OPCML: variants seen among roughly 807,000 people sequenced by gnomAD.
OPCML encodes the protein opioid-binding protein/cell adhesion molecule.
Under a neutral mutation model 37.8 loss-of-function variants are expected in OPCML, and 13 were observed. That is an observed-to-expected ratio of 0.34 (90% CI 0.22 to 0.55). The LOEUF (loss-of-function observed/expected upper bound fraction) is 0.55, where lower values mean the gene tolerates loss of function less well. Among genes scored for constraint, OPCML ranks in the 20% least tolerant of loss-of-function variants. The pLI, the probability that OPCML is intolerant of heterozygous loss-of-function variation, is 0.91. For synonymous variants in OPCML, 176 were observed against 168.8 expected (o/e 1.04, Z -0.33); for missense variants, 341 against 435.6 (o/e 0.78, Z 1.93).
intron 3 of OPCML, among the ~76,000 whole-genome samples, chr11:132,596,743 T>C (rs2137744691): frequency 1.3e-5 from 2 of 152,326 alleles, no homozygotes; most frequent in Middle Eastern, 3.4e-3. Flanking sequence ...AAGCACCATA[T>C]CTATCTTTCC....
intron 1 of OPCML, among the ~76,000 whole-genome samples, chr11:133,263,086 G>A (rs1335105033): frequency 6.6e-6 from 1 of 151,868 alleles, no homozygotes. Flanking sequence ...GGGTATGGTT[G>A]GACTGTGGCT....
At chr11:133,419,091 C>T (rs1010979570) in intron 1 of OPCML, 7 of 294,434 alleles carry the variant, frequency 2.4e-5, no homozygotes, top group Non-Finnish European at 3.5e-5. Flanking sequence ...TCACCTTTGG[C>T]GAAACTGATT....
At chr11:133,120,855 C>G (rs544485136) in intron 1 of OPCML, among the ~76,000 whole-genome samples, 1 of 152,300 alleles carries the variant, frequency 6.6e-6, no homozygotes, top group East Asian at 1.9e-4. Context: ...CAGGAAGATA[C>G]TGAACACCAT....
chr11:132,851,223 T>C (rs1303670119), intron 2 of OPCML, among the ~76,000 whole-genome samples: 1 of 152,218 alleles, frequency 6.6e-6, no homozygotes, highest in Non-Finnish European at 1.5e-5. Context: ...TTTCTTCCAA[T>C]TTGTGTTAGT....
chr11:132,814,076 G>C (rs1939495043), intron 2 of OPCML, among the ~76,000 whole-genome samples: 1 of 152,208 alleles, frequency 6.6e-6, no homozygotes, highest in Non-Finnish European at 1.5e-5. Flanking sequence ...TAAATAACTA[G>C]TGAATGATGG....
chr11:132,523,717 T>C (rs114994672), intron 4 of OPCML, among the ~76,000 whole-genome samples: 4,064 of 152,326 alleles, frequency 0.027, 190 homozygotes, highest in African/African-American at 0.093. Context: ...TCGATATGTA[T>C]AATCTTGATG....
chr11:132,839,632 T>C (rs1048358508), intron 2 of OPCML, among the ~76,000 whole-genome samples: 7 of 152,164 alleles, frequency 4.6e-5, no homozygotes, highest in African/African-American at 1.7e-4. Context: ...CACACTGCTG[T>C]TGTTGACGCT....
intron 3 of OPCML, among the ~76,000 whole-genome samples, chr11:132,597,507 C>T (rs1157723919): frequency 6.6e-6 from 1 of 152,156 alleles, no homozygotes; most frequent in Admixed American, 6.5e-5. Flanking sequence ...TTATCAGATG[C>T]AAGACAAATG....
In OPCML at chr11:132,746,308, GTTGTTTGT is replaced by G. The variant is rs1945633990; in HGVS notation, c.147-88997_147-88990del. On this transcript the variant is annotated intron_variant, in intron 2 of 7. Transcript: ENST00000524381. Reference sequence around the variant, plus strand: ...TTGTTTTTATTTTGTTTGTTTGTTTGTTGTTTGTTTTAACAAAAAGAAGGGAAAATATG... The same window carrying G: ...TTGTTTTTATTTTGTTTGTTTGTTTGTTTAACAAAAAGAAGGGAAAATATG... Among the ~76,000 whole-genome samples, 3 of 152,108 alleles carry G rather than the reference GTTGTTTGT, an allele frequency of 2.0e-5. No homozygotes were observed. The South Asian group carries it at 6.2e-4, about 32-fold the overall frequency.
intron 1 of OPCML, among the ~76,000 whole-genome samples, chr11:133,192,625 T>C (rs1192936561): frequency 2.0e-5 from 3 of 152,216 alleles, no homozygotes. Context: ...TTCTGCAACA[T>C]ATTGGCTGTT....
chr11:132,610,040 T>C (rs1938547590), intron 3 of OPCML, among the ~76,000 whole-genome samples: 1 of 149,046 alleles, frequency 6.7e-6, no homozygotes, highest in South Asian at 2.1e-4. Context: ...GTTAACATTT[T>C]TCAAATAAAT....
chr11:132,755,360 A>G (rs1346423563), intron 2 of OPCML, among the ~76,000 whole-genome samples: 1 of 152,184 alleles, frequency 6.6e-6, no homozygotes, highest in Non-Finnish European at 1.5e-5. Flanking sequence ...AATATAATCA[A>G]CAAACATTCC....
intron 2 of OPCML, among the ~76,000 whole-genome samples, chr11:132,794,976 T>C (rs1938216669): frequency 6.6e-6 from 1 of 150,618 alleles, no homozygotes; most frequent in Non-Finnish European, 1.5e-5. Flanking sequence ...TATGGTCCCA[T>C]AAATGTATAG....
At chr11:133,419,786 G>A (rs971815326) in intron 1 of OPCML, among the ~76,000 whole-genome samples, 1 of 152,130 alleles carries the variant, frequency 6.6e-6, no homozygotes, top group African/African-American at 2.4e-5. Context: ...ATTCTATCAT[G>A]TCTGTAACCA....
rs1234786115 is a variant in OPCML at position 132,481,534 on chromosome 11, C to A, written c.506-44175G>T. The stretch of plus-strand genomic sequence containing the variant: ...ACGAGACAGAAAGTCAACAAGGATA[C>A]CCAGGAATTGAACTCAGCTCTGCAC... On this transcript the variant is annotated intron_variant, in intron 4 of 7. Coordinates refer to ENST00000524381, the MANE Select transcript of OPCML (RefSeq NM_001012393.5). Among the ~76,000 whole-genome samples the A allele has an allele frequency of 1.0e-4, 15 of 150,198 alleles. 1 individual carries two copies. In the South Asian group the frequency reaches 3.2e-3, roughly 32 times the overall value.
chr11:133,003,696 G>A (rs537592041), intron 1 of OPCML: 25 of 985,336 alleles, frequency 2.5e-5, no homozygotes, highest in South Asian at 1.4e-4. Flanking sequence ...TATTGCTTCC[G>A]GTAATGAATT....
At chr11:132,846,398 G>A (rs1941542945) in intron 2 of OPCML, among the ~76,000 whole-genome samples, 1 of 152,202 alleles carries the variant, frequency 6.6e-6, no homozygotes, top group Non-Finnish European at 1.5e-5. Flanking sequence ...TAATGTCAGA[G>A]TGGCTGGGAA....
At chr11:132,667,021 T>G (rs1942255764) in intron 2 of OPCML, among the ~76,000 whole-genome samples, 1 of 152,092 alleles carries the variant, frequency 6.6e-6, no homozygotes, top group Non-Finnish European at 1.5e-5. Flanking sequence ...AAGGAAGAGC[T>G]TGAGGGAGCT....
rs571076239 is a variant in OPCML at position 132,450,111 on chromosome 11, C to T, written c.506-12752G>A. Among the ~76,000 whole-genome samples the T allele has an allele frequency of 3.3e-5, 5 of 152,232 alleles. No individual in the cohort carries two copies. The East Asian group carries it at 9.7e-4, about 29-fold the overall frequency. ...GTCCTCCAAAGCACCCTGCCCAGGC[C>T]CCAGGGGAGACAGACCCCTGCCTTC... On this transcript the variant is annotated intron_variant, in intron 4 of 7. Transcript: ENST00000524381.
Sources: allele counts gnomAD v4.1 joint callset (sites outside exome capture counted in the v4.1 genomes callset), GRCh38; gene constraint gnomAD v4.1.1; transcripts MANE v1.5; gene names NCBI Gene and HGNC (gene_info 2026-07-23, HGNC 2026-07-21).